DPH6: variants seen among roughly 807,000 people sequenced by gnomAD.
DPH6 encodes diphthine--ammonia ligase.
A neutral mutation model predicts 38.2 loss-of-function variants in DPH6; 33 were observed. The ratio of observed to expected loss-of-function variants is 0.86; its 90% CI spans 0.65 to 1.15. DPH6 has a LOEUF of 1.15. Among genes scored for constraint, DPH6 ranks in the 50% most tolerant of loss-of-function variants. The probability of loss-of-function intolerance (pLI) is 0.00; values close to 1 mark genes in which losing one functional copy is unlikely to be tolerated. For missense variants in DPH6, 325 were observed against 320.0 expected, an observed-to-expected ratio of 1.02 and a Z score of -0.12; for synonymous variants, 108 against 103.0, an observed-to-expected ratio of 1.05 and a Z score of -0.30.
chr15:35,351,244 T>A (rs1363075130), intron 3 of DPH6, among the ~76,000 whole-genome samples: 1 of 152,196 alleles, frequency 6.6e-6, no homozygotes, highest in Non-Finnish European at 1.5e-5. Context: ...TTACCATTAG[T>A]ATGACATTTA....
At chr15:35,158,106 C>T in the DPH6 span, among the ~76,000 whole-genome samples, 1 of 152,078 alleles carries the variant, frequency 6.6e-6, no homozygotes, top group Non-Finnish European at 1.5e-5. Context: ...ATTGCCTAGG[C>T]TCCAGTTGTG....
chr15:35,395,550 C>A (rs1037733010), intron 6 of DPH6, among the ~76,000 whole-genome samples: 3 of 152,146 alleles, frequency 2.0e-5, no homozygotes, highest in Non-Finnish European at 4.4e-5. Flanking sequence ...GACCAAATTT[C>A]TTTGTTGTCC....
the DPH6 span, among the ~76,000 whole-genome samples, chr15:35,145,437 G>A: frequency 6.6e-6 from 1 of 152,180 alleles, no homozygotes; most frequent in Non-Finnish European, 1.5e-5. Flanking sequence ...CTTCATTAGA[G>A]GAGTTACAAT....
intron 3 of DPH6, among the ~76,000 whole-genome samples, chr15:35,502,208 A>C (rs965549428): frequency 6.6e-6 from 1 of 152,110 alleles, no homozygotes; most frequent in Admixed American, 6.6e-5. Context: ...GAATATGTAC[A>C]TTGTAAATGA....
At chr15:35,310,973 C>T (rs2052136466) in intron 3 of DPH6, among the ~76,000 whole-genome samples, 1 of 151,626 alleles carries the variant, frequency 6.6e-6, no homozygotes, top group Admixed American at 6.6e-5. Flanking sequence ...GCAGGAGAAT[C>T]GCTTGAACCC....
chr15:35,529,292 GCACATCTT>G (rs890036833), intron 3 of DPH6, among the ~76,000 whole-genome samples: 1 of 152,120 alleles, frequency 6.6e-6, no homozygotes, highest in Non-Finnish European at 1.5e-5. Flanking sequence ...AGAAAAGCAA[GCACATCTT>G]CACATGGCCA....
chr15:35,486,263 A>G (rs2054396441), intron 3 of DPH6, among the ~76,000 whole-genome samples: 1 of 152,124 alleles, frequency 6.6e-6, no homozygotes. Flanking sequence ...CCCATGATCC[A>G]ATTATCTCCA....
chr15:35,148,478 A>G, the DPH6 span, among the ~76,000 whole-genome samples: 4 of 152,322 alleles, frequency 2.6e-5, no homozygotes, highest in Non-Finnish European at 4.4e-5. Flanking sequence ...ATAATCCGGT[A>G]TAATTATTTT....
intron 5 of DPH6, among the ~76,000 whole-genome samples, chr15:35,440,807 G>T (rs549215253): frequency 2.0e-5 from 3 of 152,264 alleles, no homozygotes; most frequent in African/African-American, 7.2e-5. Context: ...TTGACAAATG[G>T]GATCTAATTA....
intron 3 of DPH6, among the ~76,000 whole-genome samples, chr15:35,522,477 A>AG (rs1405277237): frequency 1.3e-5 from 2 of 152,186 alleles, no homozygotes; most frequent in African/African-American, 4.8e-5. Context: ...AGAAAACAAC[A>AG]GACATTTGTC....
At chr15:35,444,777 G>C (rs1293924374) in intron 5 of DPH6, among the ~76,000 whole-genome samples, 1 of 152,148 alleles carries the variant, frequency 6.6e-6, no homozygotes, top group Admixed American at 6.5e-5. Flanking sequence ...TCCTGGAAGA[G>C]AGCTCCCTCT....
intron 7 of DPH6, among the ~76,000 whole-genome samples, chr15:35,376,922 T>G (rs1170812916): frequency 6.6e-6 from 1 of 152,184 alleles, no homozygotes; most frequent in Non-Finnish European, 1.5e-5. Context: ...TTTCTCAGAA[T>G]GTTTCCACAT....
At chr15:35,541,865 G>C (rs2141568612) in intron 2 of DPH6, among the ~76,000 whole-genome samples, 1 of 152,198 alleles carries the variant, frequency 6.6e-6, no homozygotes, top group East Asian at 1.9e-4. Context: ...ATTATATGTG[G>C]ATGCCCTTGT....
chr15:35,237,342 G>A, intron 3 of DPH6: 3 of 1,593,252 alleles, frequency 1.9e-6, no homozygotes, highest in Non-Finnish European at 1.7e-6. Flanking sequence ...ATGGGCAGAC[G>A]GATTCATTTA....
chr15:35,387,435 T>C (rs1284892300), intron 6 of DPH6, among the ~76,000 whole-genome samples: 3 of 152,198 alleles, frequency 2.0e-5, no homozygotes, highest in African/African-American at 7.2e-5. Flanking sequence ...CCTTGGGCAG[T>C]ATGGCCATTT....
chr15:35,352,126 G>A (rs1255467818), intron 3 of DPH6, among the ~76,000 whole-genome samples: 1 of 152,032 alleles, frequency 6.6e-6, no homozygotes, highest in Admixed American at 6.6e-5. Flanking sequence ...ATGTTAAGGT[G>A]CATGATTACA....
At chr15:35,230,020 G>A (rs1242984761) in intron 3 of DPH6, among the ~76,000 whole-genome samples, 1 of 152,152 alleles carries the variant, frequency 6.6e-6, no homozygotes, top group Non-Finnish European at 1.5e-5. Flanking sequence ...TCTCACCCAG[G>A]CCTGCTGCAA....
intron 5 of DPH6, among the ~76,000 whole-genome samples, chr15:35,448,825 T>C (rs2053890245): frequency 6.6e-6 from 1 of 152,098 alleles, no homozygotes; most frequent in Admixed American, 6.5e-5. Flanking sequence ...AGTTCATTGA[T>C]GCCTATAAGA....
chr15:35,274,754 G>A (rs2051846277), intron 3 of DPH6, among the ~76,000 whole-genome samples: 2 of 152,150 alleles, frequency 1.3e-5, no homozygotes, highest in South Asian at 4.1e-4. Flanking sequence ...AGATACTGGC[G>A]AGGCTGTGGA....
Sources: allele counts gnomAD v4.1 joint callset (sites outside exome capture counted in the v4.1 genomes callset), GRCh38; gene constraint gnomAD v4.1.1; transcripts MANE v1.5; gene names NCBI Gene and HGNC (gene_info 2026-07-23, HGNC 2026-07-21).